Variants in DPP10 observed in about 807,000 individuals in gnomAD.
The protein encoded by DPP10 is inactive dipeptidyl peptidase 10.
A neutral mutation model predicts 120.9 loss-of-function variants in DPP10; 33 were observed. The ratio of observed to expected loss-of-function variants is 0.27; its 90% confidence interval spans 0.21 to 0.37. DPP10 has a LOEUF of 0.37. Among genes scored for constraint, DPP10 ranks in the 10% least tolerant of loss-of-function variants. DPP10 has a pLI of 1.00. For missense variants in DPP10, 816 were observed against 942.8 expected (o/e 0.87, Z 1.76); for synonymous variants, 337 against 326.1 (o/e 1.03, Z -0.36).
At chr2:114,517,258 T>C (rs1477234329) in intron 1 of DPP10, among the ~76,000 whole-genome samples, 1 of 152,198 alleles carries the variant, frequency 6.6e-6, no homozygotes, top group African/African-American at 2.4e-5. Context: ...CAGTGGCTCA[T>C]GCCTGTAATC....
At chr2:115,632,611 G>T (rs899903831) in intron 5 of DPP10, among the ~76,000 whole-genome samples, 2 of 152,088 alleles carry the variant, frequency 1.3e-5, no homozygotes, top group Non-Finnish European at 1.5e-5. Context: ...ACTTAGTTTG[G>T]CCAGATGTGA....
chr2:114,525,520 C>A (rs1426979385), intron 1 of DPP10, among the ~76,000 whole-genome samples: 1 of 152,130 alleles, frequency 6.6e-6, no homozygotes, highest in African/African-American at 2.4e-5. Flanking sequence ...ATTTCAACAA[C>A]CACTCTATAA....
intron 1 of DPP10, among the ~76,000 whole-genome samples, chr2:114,638,247 A>T (rs1357366920): frequency 6.6e-6 from 1 of 151,714 alleles, no homozygotes; most frequent in Non-Finnish European, 1.5e-5. Context: ...AGCTATTGTA[A>T]ATGAGATGTG....
At chr2:115,654,479 G>A (rs1444239267) in intron 5 of DPP10, among the ~76,000 whole-genome samples, 1 of 151,788 alleles carries the variant, frequency 6.6e-6, no homozygotes, top group African/African-American at 2.4e-5. Flanking sequence ...TTTGAAAAGA[G>A]AAGTGCAAAA....
intron 1 of DPP10, among the ~76,000 whole-genome samples, chr2:115,043,613 A>G (rs1192211420): frequency 6.6e-6 from 1 of 152,242 alleles, no homozygotes; most frequent in Non-Finnish European, 1.5e-5. Context: ...ACTGCGTTCT[A>G]GATTTTTTAA....
intron 5 of DPP10, among the ~76,000 whole-genome samples, chr2:115,600,602 A>C (rs563169080): frequency 1.3e-5 from 2 of 152,244 alleles, no homozygotes; most frequent in African/African-American, 4.8e-5. Context: ...TCTAAAGCGT[A>C]GCTCATTCAC....
At chr2:114,950,245 CA>C (rs1451150066) in intron 1 of DPP10, among the ~76,000 whole-genome samples, 1 of 149,698 alleles carries the variant, frequency 6.7e-6, no homozygotes, top group Non-Finnish European at 1.5e-5. Flanking sequence ...GTCAAATTGC[CA>C]AGACAACTAC....
At chr2:114,445,696 T>C (rs150828163) in intron 1 of DPP10, among the ~76,000 whole-genome samples, 15 of 151,936 alleles carry the variant, frequency 9.9e-5, no homozygotes, top group South Asian at 6.3e-4. Context: ...AAAGAGGAAA[T>C]TGGGAGAAGT....
chr2:114,635,727 G>T (rs1695254818), intron 1 of DPP10, among the ~76,000 whole-genome samples: 1 of 151,690 alleles, frequency 6.6e-6, no homozygotes, highest in Admixed American at 6.6e-5. Context: ...GGACTCCAAA[G>T]ACTTTTTATT....
intron 1 of DPP10, among the ~76,000 whole-genome samples, chr2:114,669,803 A>T (rs1010205661): frequency 2.0e-5 from 3 of 152,068 alleles, no homozygotes; most frequent in African/African-American, 7.2e-5. Flanking sequence ...AGGGAGAAAA[A>T]ATATAAATTT....
At chr2:115,266,851 G>A (rs192146080) in intron 1 of DPP10, among the ~76,000 whole-genome samples, 299 of 152,170 alleles carry the variant, frequency 2.0e-3, no homozygotes, top group African/African-American at 7.0e-3. Flanking sequence ...ATCCTTATAC[G>A]GTATTTTGCA....
intron 19 of DPP10, among the ~76,000 whole-genome samples, chr2:115,798,782 G>T (rs1684830545): frequency 6.6e-6 from 1 of 151,996 alleles, no homozygotes; most frequent in South Asian, 2.1e-4. Flanking sequence ...TTTTGATTTG[G>T]AATCATTCAG....
intron 2 of DPP10, among the ~76,000 whole-genome samples, chr2:115,317,635 T>A (rs2061858434): frequency 6.6e-6 from 1 of 151,388 alleles, no homozygotes; most frequent in Non-Finnish European, 1.5e-5. Flanking sequence ...TTCTTTTCTT[T>A]TTTTTTTTTT....
chr2:115,835,090 C>T (rs533186545), intron 21 of DPP10, among the ~76,000 whole-genome samples: 1 of 151,238 alleles, frequency 6.6e-6, no homozygotes, highest in South Asian at 2.1e-4. Flanking sequence ...GAGCCGAGAT[C>T]GCACCACTGC....
chr2:114,628,581 A>C (rs995497663), intron 1 of DPP10, among the ~76,000 whole-genome samples: 1 of 152,166 alleles, frequency 6.6e-6, no homozygotes, highest in Non-Finnish European at 1.5e-5. Flanking sequence ...CTTAATCATT[A>C]ACCTGGACTT....
chr2:115,141,978 A>C (rs2050954339), intron 1 of DPP10, among the ~76,000 whole-genome samples: 1 of 152,092 alleles, frequency 6.6e-6, no homozygotes, highest in South Asian at 2.1e-4. Context: ...TTCGCCAGGT[A>C]GGCCAGGCTG....
chr2:114,639,559 C>A (rs1695553909), intron 1 of DPP10, among the ~76,000 whole-genome samples: 1 of 151,852 alleles, frequency 6.6e-6, no homozygotes, highest in Non-Finnish European at 1.5e-5. Context: ...CTGTGCTTAG[C>A]ACCTGGGTGA....
intron 1 of DPP10, among the ~76,000 whole-genome samples, chr2:115,279,352 A>G (rs1178843743): frequency 2.0e-5 from 3 of 152,154 alleles, no homozygotes; most frequent in African/African-American, 7.2e-5. Flanking sequence ...AGTGTCAATG[A>G]GAAAAACAGG....
At chr2:115,459,449 GC>G (rs1194063919) in intron 3 of DPP10, among the ~76,000 whole-genome samples, 1 of 152,064 alleles carries the variant, frequency 6.6e-6, no homozygotes, top group African/African-American at 2.4e-5. Context: ...GAGCTACCAC[GC>G]CCGGCTGTGA....
Sources: gnomAD v4.1 joint callset for allele counts (sites outside exome capture counted in the v4.1 genomes callset) on GRCh38, gnomAD v4.1.1 for gene constraint, MANE v1.5 for transcripts, NCBI Gene and HGNC (gene_info 2026-07-23, HGNC 2026-07-21) for gene names.